Variants in PARD3B observed in about 807,000 individuals in gnomAD.
PARD3B encodes partitioning defective 3 homolog B.
Under a neutral mutation model 130.2 loss-of-function variants are expected in PARD3B, and 103 were observed. The ratio of observed to expected loss-of-function variants is 0.79; its 90% CI spans 0.67 to 0.93. The LOEUF (loss-of-function observed/expected upper bound fraction) is 0.93, where lower values mean the gene tolerates loss of function less well. Among genes scored for constraint, PARD3B ranks in the 40% least tolerant of loss-of-function variants. PARD3B has a pLI of 0.00. For missense variants in PARD3B, 1,609 were observed against 1,499.2 expected (o/e 1.07, Z -1.21); for synonymous variants, 583 against 553.2 (o/e 1.05, Z -0.76).
At position 204,995,306 on chromosome 2, in the gene PARD3B, T is replaced by A. The variant is rs577546659; in HGVS notation, c.394+29983T>A. Among the ~76,000 whole-genome samples, 75 of 151,018 alleles carry A rather than the reference T, an allele frequency of 5.0e-4. No individual in the cohort carries two copies. In the South Asian group the frequency reaches 0.015, roughly 30 times the overall value. ...GACAAAATCTCTCAGCATTTGCTTG[T>A]CTATAAAGTATTTTATTTCTCCTTC... On this transcript the variant is annotated intron_variant, in intron 3 of 22. Coordinates refer to ENST00000406610, the MANE Select transcript of PARD3B (RefSeq NM_001302769.2).
At position 205,419,753 on chromosome 2, in the gene PARD3B, A is replaced by G. The variant is rs550099407; in HGVS notation, c.2741+18630A>G. ...CAGGAAGAAATAAGAAATGCTTCCC[A>G]GTGCCAGGCACATAGTAGACTCTCA... On this transcript the variant is annotated intron_variant, in intron 19 of 22. Transcript: ENST00000406610. Among the ~76,000 whole-genome samples the G allele has an allele frequency of 7.9e-5, 12 of 152,338 alleles. 1 individual carries two copies. In the South Asian group the frequency reaches 2.5e-3, roughly 32 times the overall value.
At chr2:205,108,083 A>G (rs1021289922) in intron 5 of PARD3B, among the ~76,000 whole-genome samples, 1 of 152,140 alleles carries the variant, frequency 6.6e-6, no homozygotes, top group Non-Finnish European at 1.5e-5. Flanking sequence ...CATTGATCAA[A>G]CTGTTTGCAG....
rs557577664 is a variant in PARD3B, at chr2:205,462,521, C to A, written c.3044+21849C>A. On this transcript the variant is annotated intron_variant, in intron 20 of 22. Transcript: ENST00000406610. ...GTGTCTGAGGAATTCAGAGGTGCTG[C>A]ACCTCAGTTCACATTGTGATTTTGA... is the stretch of plus-strand genomic sequence containing the variant. 1.2e-4 allele frequency among the ~76,000 whole-genome samples: 18 copies of A among 152,306 alleles called. No individual in the cohort carries two copies. The East Asian group carries it at 2.9e-3, about 24-fold the overall frequency.
chr2:204,569,154 G>GT (rs1194721531), intron 1 of PARD3B, among the ~76,000 whole-genome samples: 1 of 152,086 alleles, frequency 6.6e-6, no homozygotes, highest in Non-Finnish European at 1.5e-5. Context: ...GGAAGACTCA[G>GT]TTTTTTTGCT....
intron 1 of PARD3B, among the ~76,000 whole-genome samples, chr2:204,584,097 G>C (rs1379465852): frequency 6.6e-6 from 1 of 152,232 alleles, no homozygotes; most frequent in East Asian, 1.9e-4. Context: ...ATGCAAGGGT[G>C]AGGTGGTTTG....
intron 2 of PARD3B, among the ~76,000 whole-genome samples, chr2:204,698,533 C>T (rs1366953580): frequency 6.6e-6 from 1 of 150,986 alleles, no homozygotes; most frequent in African/African-American, 2.4e-5. Flanking sequence ...CTTTGTTATC[C>T]TTGATTGTTG....
intron 4 of PARD3B, among the ~76,000 whole-genome samples, chr2:205,069,037 G>A (rs972519543): frequency 3.3e-5 from 5 of 151,474 alleles, no homozygotes; most frequent in African/African-American, 7.3e-5. Context: ...TCAAATATTC[G>A]ATATACCTAC....
chr2:204,782,824 G>A (rs1411734118), intron 2 of PARD3B, among the ~76,000 whole-genome samples: 1 of 151,976 alleles, frequency 6.6e-6, no homozygotes, highest in Non-Finnish European at 1.5e-5. Flanking sequence ...TTCTAATGCA[G>A]TGTTTTAATT....
chr2:205,381,857 T>A (rs948097129), intron 18 of PARD3B, among the ~76,000 whole-genome samples: 5 of 152,018 alleles, frequency 3.3e-5, no homozygotes, highest in African/African-American at 1.2e-4. Context: ...GAGGGATGCA[T>A]CAAGCAGAAC....
chr2:205,067,287 A>T (rs1366995153), intron 4 of PARD3B, among the ~76,000 whole-genome samples: 1 of 151,682 alleles, frequency 6.6e-6, no homozygotes, highest in Non-Finnish European at 1.5e-5. Flanking sequence ...TCAGCTCCTC[A>T]GTAGCTAAGA....
At chr2:205,324,523 G>T (rs1387340292) in intron 18 of PARD3B, among the ~76,000 whole-genome samples, 1 of 152,100 alleles carries the variant, frequency 6.6e-6, no homozygotes, top group Non-Finnish European at 1.5e-5. Context: ...AAATAGAGTT[G>T]CAGGTTAATA....
chr2:204,678,921 C>G lies in PARD3B; in HGVS notation c.121-7260C>G, dbSNP rs2036689329. ...ACAGATCAAGAAATAGAACATTGCC[C>G]TAGAAGCCGCTTCATGCCTCTTTCT... On this transcript the variant is annotated intron_variant, in intron 1 of 22. Transcript: ENST00000406610. This position sits in a 1 kb window ranked among gnomAD's most constrained non-coding sequence, Gnocchi z 4.2. Among the ~76,000 whole-genome samples, 1 of 152,162 alleles carries G rather than the reference C, an allele frequency of 6.6e-6. No individual in the cohort carries two copies. Among genetic ancestry groups the G allele is most frequent in the Non-Finnish European group, 1.5e-5 (1 of 68,030 alleles).
intron 1 of PARD3B, among the ~76,000 whole-genome samples, chr2:204,659,001 A>C (rs556164097): frequency 6.6e-6 from 1 of 152,122 alleles, no homozygotes; most frequent in Non-Finnish European, 1.5e-5. Context: ...TTTGTCCTTG[A>C]AAATGTAAGT....
At chr2:204,783,137 C>G (rs1177561488) in intron 2 of PARD3B, among the ~76,000 whole-genome samples, 1 of 152,074 alleles carries the variant, frequency 6.6e-6, no homozygotes, top group East Asian at 1.9e-4. Context: ...ATTTGTCTTT[C>G]AATGATTTCA....
intron 19 of PARD3B, among the ~76,000 whole-genome samples, chr2:205,425,120 T>C (rs2047100201): frequency 6.6e-6 from 1 of 152,224 alleles, no homozygotes; most frequent in Admixed American, 6.5e-5. Flanking sequence ...TCAACACTAA[T>C]GACACCTTTT....
intron 1 of PARD3B, among the ~76,000 whole-genome samples, chr2:204,679,053 G>A (rs1234212159): frequency 6.6e-6 from 1 of 152,148 alleles, no homozygotes; most frequent in East Asian, 1.9e-4. Context: ...CATACAAAAG[G>A]TGCTTGTTTT....
intron 20 of PARD3B, among the ~76,000 whole-genome samples, chr2:205,449,732 C>T (rs1215199995): frequency 2.6e-5 from 4 of 152,116 alleles, no homozygotes; most frequent in African/African-American, 4.8e-5. Context: ...CTGAATGCTC[C>T]AGTTAAGCAG....
Position 204,800,402 on chromosome 2 carries a change from T to G in PARD3B, c.222+114120T>G, listed in dbSNP as rs1459820512. Among the ~76,000 whole-genome samples, 20 of 152,150 alleles carry G rather than the reference T, an allele frequency of 1.3e-4. No individual in the cohort carries two copies. The South Asian group carries it at 2.9e-3, about 22-fold the overall frequency. On this transcript the variant is annotated intron_variant, in intron 2 of 22. Transcript: ENST00000406610. Reference sequence around the variant, plus strand: ...GAAAGTCGCCTCAAAAGGGCAAATTTAAGTTAGTGGCCTCAAAAAGTCAGT... The same window carrying G: ...GAAAGTCGCCTCAAAAGGGCAAATTGAAGTTAGTGGCCTCAAAAAGTCAGT...
chr2:204,753,522 CGG>C (rs2040546551), intron 2 of PARD3B, among the ~76,000 whole-genome samples: 1 of 146,490 alleles, frequency 6.8e-6, no homozygotes, highest in Non-Finnish European at 1.5e-5. Context: ...TATAAATAAA[CGG>C]AACCCCCCAA....
Sources: allele counts gnomAD v4.1 joint callset (sites outside exome capture counted in the v4.1 genomes callset), GRCh38; gene constraint gnomAD v4.1.1; non-coding constraint Gnocchi (gnomAD v3.1); transcripts MANE v1.5; gene names NCBI Gene and HGNC (gene_info 2026-07-23, HGNC 2026-07-21).